The following TOMM20 variants were observed in gnomAD, a reference collection of about 807,000 sequenced individuals.
TOMM20 encodes the protein mitochondrial import receptor subunit TOM20 homolog.
TOMM20 carries 10 observed loss-of-function variants against 22.1 expected under a neutral mutation model. The observed-to-expected ratio is 0.45, with a 90% CI of 0.28 to 0.77. TOMM20 has a LOEUF of 0.77. Among genes scored for constraint, TOMM20 ranks in the 30% least tolerant of loss-of-function variants. The pLI, the probability that TOMM20 is intolerant of heterozygous loss-of-function variation, is 0.13. For synonymous variants in TOMM20, 55 were observed against 61.4 expected, an observed-to-expected ratio of 0.90 and a Z score of 0.49; for missense variants, 121 against 172.2, an observed-to-expected ratio of 0.70 and a Z score of 1.66.
At position 235,110,152 on chromosome 1, in the gene TOMM20, A is replaced by T. The variant is rs1384100750; in HGVS notation, c.*1912T>A. 1 of 152,226 alleles carries T rather than the reference A, an allele frequency of 6.6e-6. No individual in the cohort carries two copies. The highest frequency in any genetic ancestry group is 2.4e-5 in the African/African-American group (1 of 41,464). 9.4% of individuals were successfully genotyped at this position (152,226 alleles called of 1,614,324 possible). On this transcript the variant is annotated 3_prime_UTR_variant, in exon 5 of 5. Coordinates refer to ENST00000366607, the MANE Select transcript of TOMM20 (RefSeq NM_014765.3). ...CCTTTTCAAGCATTACAGCAAAGCC[A>T]GTATGTTCAGAGCCAAGTGACACCC...
At chr1:235,119,792 T>G in intron 3 of TOMM20, 26 bp downstream of exon 3, 1 of 1,510,592 alleles carries the variant, frequency 6.6e-7, no homozygotes, top group Middle Eastern at 1.8e-4. Flanking sequence ...TTCTACCCAT[T>G]TCCTTAGCTT....
intron 2 of TOMM20, among the ~76,000 whole-genome samples, chr1:235,121,489 C>T (rs1193510954): frequency 6.6e-6 from 1 of 152,176 alleles, no homozygotes; most frequent in African/African-American, 2.4e-5. Flanking sequence ...TAGTCTGATC[C>T]TACTAGAACG....
intron 3 of TOMM20, among the ~76,000 whole-genome samples, chr1:235,116,216 C>T (rs1572127389): frequency 1.3e-5 from 2 of 152,112 alleles, no homozygotes; most frequent in South Asian, 4.2e-4. Flanking sequence ...CCAGCCTGGC[C>T]AACATGGTGA....
At chr1:235,119,510 A>T (rs747819340) in intron 3 of TOMM20, 2 of 203,004 alleles carry the variant, frequency 9.9e-6, no homozygotes, top group Non-Finnish European at 2.0e-5. Context: ...TACATTAGAA[A>T]CTACTTCAGA....
At chr1:235,123,047 G>A (rs1660953438) in intron 1 of TOMM20, among the ~76,000 whole-genome samples, 1 of 152,162 alleles carries the variant, frequency 6.6e-6, no homozygotes, top group African/African-American at 2.4e-5. Flanking sequence ...ATACTTATTA[G>A]CTGGGTGATC....
At chr1:235,122,775 T>C (rs1172048316) in intron 1 of TOMM20, among the ~76,000 whole-genome samples, 1 of 152,232 alleles carries the variant, frequency 6.6e-6, no homozygotes, top group East Asian at 1.9e-4. Flanking sequence ...TTACTGAATG[T>C]TGCAAACTGG....
chr1:235,109,680 CCAGT>C lies in TOMM20; in HGVS notation c.*2380_*2383del. The C allele has an allele frequency of 6.6e-6, 1 of 152,348 alleles. No individual in the cohort carries two copies. The highest frequency in any genetic ancestry group is 2.1e-4 in the South Asian group (1 of 4,830). 9.4% of individuals were successfully genotyped at this position (152,348 alleles called of 1,614,324 possible). A position where few individuals can be genotyped will look rare whatever the true frequency, so the allele number is the denominator to read the frequency against. On this transcript the variant is annotated 3_prime_UTR_variant, in exon 5 of 5. Coordinates refer to ENST00000366607, the MANE Select transcript of TOMM20 (RefSeq NM_014765.3). ...AGTTAACAGGCCAGCATTGCTACAG[CCAGT>C]AAGTCTATGTTTTCAATGTTCTTTC...
Position 235,111,803 on chromosome 1 carries a change from T to G in TOMM20, c.*261A>C. On this transcript the variant is annotated 3_prime_UTR_variant, in exon 5 of 5. Transcript: ENST00000366607. ...GTACAGTTTAACTATGTAACTATGT[T>G]TCAGGAATAAACAAAATCCATGATA... The G allele has an allele frequency of 5.1e-6, 2 of 394,620 alleles. No individual in the cohort carries two copies. The highest frequency in any genetic ancestry group is 9.1e-6 in the Non-Finnish European group (2 of 219,872). The allele number at this position is 394,620 out of a possible 1,614,324, so 24.4% of individuals were successfully genotyped here. A position where few individuals can be genotyped will look rare whatever the true frequency, so the allele number is the denominator to read the frequency against.
At chr1:235,119,773 T>G in intron 3 of TOMM20, 45 bp downstream of exon 3, 346 of 1,316,238 alleles carry the variant, frequency 2.6e-4, no homozygotes, top group Non-Finnish European at 3.4e-4. Context: ...TTTCTATCAG[T>G]GAGAAAAATT....
intron 1 of TOMM20, among the ~76,000 whole-genome samples, chr1:235,125,594 T>C (rs943405241): frequency 3.9e-5 from 6 of 152,128 alleles, no homozygotes; most frequent in Non-Finnish European, 2.9e-5. Flanking sequence ...TTATTGCAGA[T>C]GTAAATATTC....
Position 235,128,730 on chromosome 1 carries a change from T to C in TOMM20, c.-15A>G, listed in dbSNP as rs1167249502. The C allele has an allele frequency of 2.5e-6, 4 of 1,613,546 alleles. No homozygotes were observed. Among genetic ancestry groups the C allele is most frequent in the Non-Finnish European group, 3.4e-6 (4 of 1,179,832 alleles). Reference sequence around the variant, plus strand: ...CGACCCACCATCTTCTCTACAACGCTGAGCGTGGACGGTGGCGGCAGGGAC... The same window carrying C: ...CGACCCACCATCTTCTCTACAACGCCGAGCGTGGACGGTGGCGGCAGGGAC... On this transcript the variant is annotated 5_prime_UTR_variant, in exon 1 of 5. Coordinates refer to ENST00000366607, the MANE Select transcript of TOMM20 (RefSeq NM_014765.3).
chr1:235,127,057 C>CT (rs1232668751), intron 1 of TOMM20, among the ~76,000 whole-genome samples: 1 of 152,190 alleles, frequency 6.6e-6, no homozygotes, highest in East Asian at 1.9e-4. Context: ...AATGATAGCT[C>CT]TTGTTTCTGC....
At chr1:235,124,219 C>A (rs1572131442) in intron 1 of TOMM20, among the ~76,000 whole-genome samples, 1 of 152,172 alleles carries the variant, frequency 6.6e-6, no homozygotes, top group Non-Finnish European at 1.5e-5. Flanking sequence ...TGGTGGCAGG[C>A]GCCTGTAGTC....
At chr1:235,123,942 G>A (rs760989780) in intron 1 of TOMM20, among the ~76,000 whole-genome samples, 2 of 152,232 alleles carry the variant, frequency 1.3e-5, no homozygotes, top group Non-Finnish European at 2.9e-5. Flanking sequence ...GACTTCAAAG[G>A]ATCTGGACAT....
intron 3 of TOMM20, among the ~76,000 whole-genome samples, chr1:235,114,324 G>A (rs1476067922): frequency 1.3e-5 from 2 of 151,748 alleles, no homozygotes; most frequent in Non-Finnish European, 2.9e-5. Flanking sequence ...GAATGGTATC[G>A]CATGGGAAGA....
chr1:235,121,741 C>T (rs977170928), intron 2 of TOMM20, among the ~76,000 whole-genome samples: 1 of 152,176 alleles, frequency 6.6e-6, no homozygotes, highest in South Asian at 2.1e-4. Context: ...AATTTACTTA[C>T]ACACGCCACA....
chr1:235,119,774 G>A (rs1197974202), intron 3 of TOMM20, 44 bp downstream of exon 3: 2 of 1,339,448 alleles, frequency 1.5e-6, no homozygotes, highest in South Asian at 1.4e-5. Flanking sequence ...TTCTATCAGT[G>A]AGAAAAATTC....
chr1:235,111,057 C>CAT lies in TOMM20; in HGVS notation c.*1005_*1006dup, dbSNP rs1302098016. 1 of 152,186 alleles carries CAT rather than the reference C, an allele frequency of 6.6e-6. No individual in the cohort carries two copies. Among genetic ancestry groups the CAT allele is most frequent in the East Asian group, 1.9e-4 (1 of 5,204 alleles). 9.4% of individuals were successfully genotyped at this position (152,186 alleles called of 1,614,324 possible). A position where few individuals can be genotyped will look rare whatever the true frequency, so the allele number is the denominator to read the frequency against. On this transcript the variant is annotated 3_prime_UTR_variant, in exon 5 of 5. Transcript: ENST00000366607. ...GCAACAAGCATTTTTACAAGCAGAT[C>CAT]ATCCCAGTTACCTTAAAAGTTTCGG...
intron 1 of TOMM20, 171 bp from the exon 2 acceptor site, chr1:235,122,543 C>A: frequency 1.9e-6 from 1 of 522,846 alleles, no homozygotes; most frequent in Non-Finnish European, 3.3e-6. Context: ...GGTCAATGAG[C>A]TGTAGGAAAT....
Sources: gnomAD v4.1 joint callset for allele counts (sites outside exome capture counted in the v4.1 genomes callset) on GRCh38, gnomAD v4.1.1 for gene constraint, MANE v1.5 for transcripts, NCBI Gene and HGNC (gene_info 2026-07-23, HGNC 2026-07-21) for gene names.